Variants in PDE1C observed in about 807,000 individuals in gnomAD.
The protein encoded by PDE1C is phosphodiesterase 1C.
A neutral mutation model predicts 93.1 loss-of-function variants in PDE1C; 62 were observed. The observed-to-expected ratio is 0.67, with a 90% CI of 0.54 to 0.82. The LOEUF (loss-of-function observed/expected upper bound fraction) is 0.82, where lower values mean the gene tolerates loss of function less well. Ranked by LOEUF, PDE1C falls within the 40% of genes least tolerant of loss-of-function variation. PDE1C has a pLI of 0.00. For synonymous variants in PDE1C, 325 were observed against 310.1 expected (o/e 1.05, Z -0.50); for missense variants, 742 against 884.6 (o/e 0.84, Z 2.04).
chr7:32,183,949 T>A, intron 2 of PDE1C, among the ~76,000 whole-genome samples: 1 of 151,730 alleles, frequency 6.6e-6, no homozygotes, highest in Non-Finnish European at 1.5e-5. Context: ...TCAAACAAAT[T>A]TACAAGAAAA....
intron 1 of PDE1C, among the ~76,000 whole-genome samples, chr7:32,213,211 C>T (rs1806180074): frequency 6.6e-6 from 1 of 152,128 alleles, no homozygotes; most frequent in African/African-American, 2.4e-5. Context: ...CAATTGTCAG[C>T]CCACATTTAA....
At chr7:31,713,822 A>G in the PDE1C span, among the ~76,000 whole-genome samples, 1 of 152,118 alleles carries the variant, frequency 6.6e-6, no homozygotes, top group Non-Finnish European at 1.5e-5. Flanking sequence ...GCCCTTTTTA[A>G]TCATGGCTGG....
intron 1 of PDE1C, among the ~76,000 whole-genome samples, chr7:32,421,182 G>C (rs892632872): frequency 1.3e-5 from 2 of 152,176 alleles, no homozygotes; most frequent in Non-Finnish European, 2.9e-5. Flanking sequence ...ATGTAGGACT[G>C]TGTCCTACCT....
At chr7:32,158,612 G>A (rs533256984) in intron 3 of PDE1C, among the ~76,000 whole-genome samples, 6 of 152,202 alleles carry the variant, frequency 3.9e-5, no homozygotes, top group African/African-American at 7.2e-5. Flanking sequence ...TCCAGGCACC[G>A]CAGAACACCC....
chr7:32,349,972 G>T (rs555146767), intron 1 of PDE1C, among the ~76,000 whole-genome samples: 1 of 152,294 alleles, frequency 6.6e-6, no homozygotes, highest in South Asian at 2.1e-4. Context: ...TATTCTGCTA[G>T]CAATAAGTTC....
At chr7:31,932,899 G>A (rs375573418) in intron 2 of PDE1C, among the ~76,000 whole-genome samples, 1 of 152,278 alleles carries the variant, frequency 6.6e-6, no homozygotes, top group African/African-American at 2.4e-5. Flanking sequence ...AGAAGAATGA[G>A]TTCATGTTCT....
chr7:32,169,682 G>T, intron 3 of PDE1C: 2 of 959,108 alleles, frequency 2.1e-6, no homozygotes, highest in Non-Finnish European at 3.3e-6. Flanking sequence ...TCAGTGCAAA[G>T]AAATGAAGTA....
At chr7:31,929,257 A>G (rs771969663) in intron 2 of PDE1C, among the ~76,000 whole-genome samples, 12 of 152,230 alleles carry the variant, frequency 7.9e-5, no homozygotes, top group Non-Finnish European at 1.5e-4. Flanking sequence ...ATATATATGC[A>G]CCTAATACAG....
chr7:32,360,985 C>T lies in PDE1C; in HGVS notation c.310+66837G>A, dbSNP rs146019205. On this transcript the variant is annotated intron_variant, in intron 1 of 1. Transcript: ENST00000672256. ...GAATTCATTTAATCTTAAAAACAAT[C>T]GTAGGAAGGAGGTATTAGCTCTATC... Among the ~76,000 whole-genome samples, 19 of 152,214 alleles carry T rather than the reference C, an allele frequency of 1.2e-4. 1 individual carries two copies. The East Asian group carries it at 3.1e-3, about 25-fold the overall frequency.
At chr7:31,825,873 C>T (rs771415904) in intron 12 of PDE1C, among the ~76,000 whole-genome samples, 1 of 149,498 alleles carries the variant, frequency 6.7e-6, no homozygotes, top group Non-Finnish European at 1.5e-5. Flanking sequence ...ACAATGGGCT[C>T]AGTTTCAGAT....
At chr7:32,231,431 A>G (rs924545759) in intron 1 of PDE1C, among the ~76,000 whole-genome samples, 5 of 152,252 alleles carry the variant, frequency 3.3e-5, no homozygotes, top group Non-Finnish European at 7.3e-5. Context: ...ATAAATTCCT[A>G]GAAAAAATTT....
At chr7:32,243,458 A>C (rs1808687970) in intron 1 of PDE1C, among the ~76,000 whole-genome samples, 1 of 152,176 alleles carries the variant, frequency 6.6e-6, no homozygotes, top group Non-Finnish European at 1.5e-5. Context: ...TCAATTATTC[A>C]TACTCTCCTC....
At chr7:32,389,366 G>A (rs547826358) in intron 1 of PDE1C, among the ~76,000 whole-genome samples, 1 of 152,238 alleles carries the variant, frequency 6.6e-6, no homozygotes, top group African/African-American at 2.4e-5. Flanking sequence ...ACAGGCGTGT[G>A]CCACCACGCT....
chr7:32,026,499 G>T (rs1166842667), intron 2 of PDE1C, among the ~76,000 whole-genome samples: 4 of 152,044 alleles, frequency 2.6e-5, no homozygotes, highest in Non-Finnish European at 5.9e-5. Context: ...TATTACAACG[G>T]CCAAAATACA....
chr7:31,947,019 C>T (rs905191263), intron 2 of PDE1C, among the ~76,000 whole-genome samples: 42 of 152,138 alleles, frequency 2.8e-4, no homozygotes, highest in African/African-American at 1.0e-3. Flanking sequence ...TTACAGATGC[C>T]AGAGGTCTGA....
chr7:31,679,311 A>G, the PDE1C span, among the ~76,000 whole-genome samples: 402 of 152,330 alleles, frequency 2.6e-3, no homozygotes, highest in African/African-American at 9.3e-3. Flanking sequence ...CTTTATGAGT[A>G]TAGTAATATG....
chr7:32,248,831 G>C (rs1046717224), intron 1 of PDE1C, among the ~76,000 whole-genome samples: 1 of 152,208 alleles, frequency 6.6e-6, no homozygotes, highest in Non-Finnish European at 1.5e-5. Flanking sequence ...AAGACTTTGT[G>C]AAGAGCTTCC....
chr7:31,675,235 A>G, the PDE1C span, among the ~76,000 whole-genome samples: 2 of 152,130 alleles, frequency 1.3e-5, no homozygotes, highest in African/African-American at 4.8e-5. Context: ...ATAGCTATTG[A>G]ATTCAAGGTA....
chr7:32,076,624 C>G, intron 3 of PDE1C, among the ~76,000 whole-genome samples: 1 of 126,706 alleles, frequency 7.9e-6, no homozygotes, highest in Admixed American at 1.0e-4. Context: ...GCCTGGGCGA[C>G]AGAGTGAGAC....
Sources: gnomAD v4.1 joint callset for allele counts (sites outside exome capture counted in the v4.1 genomes callset) on GRCh38, gnomAD v4.1.1 for gene constraint, MANE v1.5 for transcripts, NCBI Gene and HGNC (gene_info 2026-07-23, HGNC 2026-07-21) for gene names.